VPS13A: variants seen among roughly 807,000 people sequenced by gnomAD.
VPS13A encodes the protein intermembrane lipid transfer protein VPS13A.
VPS13A carries 264 observed loss-of-function variants against 390.9 expected under a neutral mutation model. That is an observed-to-expected ratio of 0.68 (90% CI 0.61 to 0.75). The LOEUF (loss-of-function observed/expected upper bound fraction) is 0.75, where lower values mean the gene tolerates loss of function less well. Among genes scored for constraint, VPS13A ranks in the 30% least tolerant of loss-of-function variants. The pLI is 0.00. For missense variants in VPS13A, 3,409 were observed against 3,733.9 expected, an observed-to-expected ratio of 0.91 and a Z score of 2.27; for synonymous variants, 1,231 against 1,227.1, an observed-to-expected ratio of 1.00 and a Z score of -0.07.
rs58922469 is a variant in VPS13A, at chr9:77,206,329, T to TTA, written c.385+265_385+266dup. 0.03 allele frequency among the ~76,000 whole-genome samples: 4,407 copies of TTA among 146,518 alleles called. 180 individuals are homozygous for TTA. Among genetic ancestry groups the TTA allele is most frequent in the East Asian group, 0.12 (572 of 4,968 alleles). ...TATTATTATTAGGTTTACATATTTT[T>TTA]TATATATATATATATACACACACAC... On this transcript the variant is annotated intron_variant, in intron 5 of 71. Transcript: ENST00000360280.
At chr9:77,382,791 A>G (rs944421979) in intron 68 of VPS13A, 6 of 985,358 alleles carry the variant, frequency 6.1e-6, no homozygotes, top group Non-Finnish European at 6.0e-6. Context: ...TCACATGCAA[A>G]CCAGTATCTT....
At chr9:77,278,542 A>G (rs1261305610) in intron 26 of VPS13A, among the ~76,000 whole-genome samples, 1 of 152,226 alleles carries the variant, frequency 6.6e-6, no homozygotes, top group South Asian at 2.1e-4. Flanking sequence ...TGCACAAAGT[A>G]AATGATCAGT....
intron 57 of VPS13A, among the ~76,000 whole-genome samples, chr9:77,358,944 C>T (rs1018715314): frequency 6.6e-6 from 1 of 152,144 alleles, no homozygotes; most frequent in Non-Finnish European, 1.5e-5. Context: ...CTCCACCCCA[C>T]ACCACTTCTT....
At position 77,414,299 on chromosome 9, in the gene VPS13A, T is replaced by C. The variant is rs578200881; in HGVS notation, c.9475-1657T>C. Among the ~76,000 whole-genome samples the C allele has an allele frequency of 5.3e-3, 801 of 152,308 alleles. 2 individuals carry two copies. The highest frequency in any genetic ancestry group is 8.5e-3 in the Non-Finnish European group (578 of 68,032). On this transcript the variant is annotated intron_variant, in intron 71 of 71. Transcript: ENST00000360280. ...AAAGACACATGCACACATATGTTTA[T>C]TGCGGCACTATTCACAATAGCAAAG...
chr9:77,416,189 CTA>C lies in VPS13A; in HGVS notation c.*185_*186del. The C allele has an allele frequency of 3.3e-6, 2 of 615,296 alleles. No individual in the cohort carries two copies. Among genetic ancestry groups the C allele is most frequent in the Non-Finnish European group, 5.7e-6 (2 of 348,578 alleles). The allele number at this position is 615,296 out of a possible 1,614,324, so 38.1% of individuals were successfully genotyped here. A position where few individuals can be genotyped will look rare whatever the true frequency, so the allele number is the denominator to read the frequency against. On this transcript the variant is annotated 3_prime_UTR_variant, in exon 72 of 72. Transcript: ENST00000360280. ...ACAAAACCAGAATCAGGTAAAACAG[CTA>C]TGTGATTAAAATATTTTAATTCTTC...
At chr9:77,411,197 A>C (rs1303102011) in intron 71 of VPS13A, among the ~76,000 whole-genome samples, 3 of 152,202 alleles carry the variant, frequency 2.0e-5, no homozygotes, top group African/African-American at 7.2e-5. Flanking sequence ...TACTGGGTAC[A>C]TAACGAAATG....
chr9:77,325,014 G>A (rs1829934317), intron 45 of VPS13A, among the ~76,000 whole-genome samples: 1 of 152,170 alleles, frequency 6.6e-6, no homozygotes, highest in South Asian at 2.1e-4. Flanking sequence ...CCACCCATGT[G>A]TGTTCCCATC....
At chr9:77,179,083 G>A (rs1194572448) in intron 1 of VPS13A, among the ~76,000 whole-genome samples, 1 of 152,146 alleles carries the variant, frequency 6.6e-6, no homozygotes, top group Non-Finnish European at 1.5e-5. Flanking sequence ...CTTCTTAGTT[G>A]CAAAGTGAAA....
At position 77,340,656 on chromosome 9, in the gene VPS13A, TTTTG is replaced by T. The variant is rs1192368341; in HGVS notation, c.7026+110_7026+113del. On this transcript the variant is annotated intron_variant, in intron 50 of 71. Transcript: ENST00000360280. ...TGTTTTAACTCTCCCCTTACTCCAA[TTTTG>T]TTTTAGTTTCATGAATCTTTATTGA... The T allele has an allele frequency of 2.1e-6, 3 of 1,433,356 alleles. No individual in the cohort carries two copies. The African/African-American group carries it at 4.3e-5, about 20-fold the overall frequency. 88.8% of individuals were successfully genotyped at this position (1,433,356 alleles called of 1,614,324 possible). A position where few individuals can be genotyped will look rare whatever the true frequency, so the allele number is the denominator to read the frequency against.
chr9:77,191,956 C>T (rs1824712730), intron 1 of VPS13A, among the ~76,000 whole-genome samples: 1 of 152,114 alleles, frequency 6.6e-6, no homozygotes, highest in Non-Finnish European at 1.5e-5. Context: ...TTTGAAGTCT[C>T]CCACTATTAT....
intron 3 of VPS13A, 21 bp downstream of exon 3, chr9:77,201,428 G>C (rs982854218): frequency 6.3e-7 from 1 of 1,593,560 alleles, no homozygotes; most frequent in Non-Finnish European, 8.6e-7. Context: ...TTCATTATTG[G>C]GATATCCTCC....
intron 45 of VPS13A, among the ~76,000 whole-genome samples, chr9:77,331,507 TC>T (rs777309588): frequency 1.3e-5 from 2 of 152,064 alleles, no homozygotes; most frequent in South Asian, 4.1e-4. Context: ...GTTTTTCCAT[TC>T]TGTGAATCAT....
intron 68 of VPS13A, among the ~76,000 whole-genome samples, chr9:77,383,164 CATATAGTATTGCATAAAAT>C (rs1190994791): frequency 6.6e-6 from 1 of 151,904 alleles, no homozygotes; most frequent in East Asian, 1.9e-4. Flanking sequence ...TATTGCAGGG[CATATAGTATTGCATAAAAT>C]ATACTTCTAA....
intron 45 of VPS13A, among the ~76,000 whole-genome samples, chr9:77,331,646 C>T (rs1028745528): frequency 6.6e-6 from 1 of 151,854 alleles, no homozygotes; most frequent in African/African-American, 2.4e-5. Context: ...TAGATTGTCA[C>T]TTTTATCATA....
At chr9:77,307,134 G>A (rs1828804393) in intron 34 of VPS13A, among the ~76,000 whole-genome samples, 1 of 151,942 alleles carries the variant, frequency 6.6e-6, no homozygotes, top group South Asian at 2.1e-4. Context: ...TTAACTCCTG[G>A]CCTCAAGTGA....
chr9:77,183,546 A>G (rs1460501588), intron 1 of VPS13A, among the ~76,000 whole-genome samples: 1 of 152,208 alleles, frequency 6.6e-6, no homozygotes, highest in African/African-American at 2.4e-5. Context: ...TGGTAGTACA[A>G]TCAATAATTT....
intron 17 of VPS13A, among the ~76,000 whole-genome samples, chr9:77,230,657 AG>A (rs1823780033): frequency 6.6e-6 from 1 of 152,102 alleles, no homozygotes; most frequent in Non-Finnish European, 1.5e-5. Context: ...GTAATCAGGA[AG>A]TATGACTCTT....
intron 37 of VPS13A, 111 bp downstream of exon 37, chr9:77,314,775 T>C (rs1829291135): frequency 1.9e-6 from 2 of 1,053,662 alleles, no homozygotes; most frequent in African/African-American, 3.2e-5. Flanking sequence ...CTAGGTTCTT[T>C]AAAGCTTCAA....
chr9:77,214,903 A>G lies in VPS13A; in HGVS notation c.754+517A>G, dbSNP rs149596375. Among the ~76,000 whole-genome samples the G allele has an allele frequency of 1.0e-3, 157 of 152,354 alleles. 1 individual carries two copies. Among genetic ancestry groups the G allele is most frequent in the African/African-American group, 3.5e-3 (145 of 41,580 alleles). ...CTCAGTTTCCCAAGTAGCTGGGACT[A>G]TGGGCACACACTGCCACACCTGGCT... is the stretch of plus-strand genomic sequence containing the variant. On this transcript the variant is annotated intron_variant, in intron 10 of 71. Transcript: ENST00000360280.
Sources: gnomAD v4.1 joint callset for allele counts (sites outside exome capture counted in the v4.1 genomes callset) on GRCh38, gnomAD v4.1.1 for gene constraint, MANE v1.5 for transcripts, NCBI Gene and HGNC (gene_info 2026-07-23, HGNC 2026-07-21) for gene names.